The following SLC9A1 variants were observed in gnomAD, a reference collection of about 807,000 sequenced individuals.
SLC9A1 encodes solute carrier family 9 member A1.
A neutral mutation model predicts 67.9 loss-of-function variants in SLC9A1; 22 were observed. The ratio of observed to expected loss-of-function variants is 0.32; its 90% CI spans 0.23 to 0.46. The LOEUF is 0.46. Among genes scored for constraint, SLC9A1 ranks in the 20% least tolerant of loss-of-function variants. The pLI, the probability that SLC9A1 is intolerant of heterozygous loss-of-function variation, is 1.00. For synonymous variants in SLC9A1, 421 were observed against 471.8 expected, an observed-to-expected ratio of 0.89 and a Z score of 1.40; for missense variants, 686 against 1,094.8, an observed-to-expected ratio of 0.63 and a Z score of 5.27.
chr1:27,133,121 G>A (rs193100689), intron 1 of SLC9A1, among the ~76,000 whole-genome samples: 2 of 151,866 alleles, frequency 1.3e-5, no homozygotes, highest in East Asian at 3.9e-4. Flanking sequence ...AGGCTGGAGT[G>A]CAGTGGTGTG....
chr1:27,107,597 C>T lies in SLC9A1; in HGVS notation c.1282+51G>A, dbSNP rs771290706. 7.1e-5 allele frequency: 98 copies of T among 1,385,364 alleles called. 3 individuals are homozygous for T. In the South Asian group the frequency reaches 1.1e-3, roughly 15 times the overall value. The allele number at this position is 1,385,364 out of a possible 1,614,324, so 85.8% of individuals were successfully genotyped here. On this transcript the variant is annotated intron_variant, in intron 4 of 11. Transcript: ENST00000263980. ...CACAGCACCACAGCCCACCACCCCC[C>T]ACACACACCCCACACCACAACCCCC...
rs928117805 is a variant in SLC9A1 at position 27,137,075 on chromosome 1, C to A, written c.352+16908G>T. Among the ~76,000 whole-genome samples the A allele has an allele frequency of 2.0e-5, 3 of 152,372 alleles. No homozygotes were observed. The highest frequency in any genetic ancestry group is 6.5e-5 in the Admixed American group (1 of 15,312). ...CCACCTGCAACGTGCTGTGTCCCTG[C>A]GGCACTTCAGCCTGCCTTGTGTTTT... On this transcript the variant is annotated intron_variant, in intron 1 of 11. Coordinates refer to ENST00000263980, the MANE Select transcript of SLC9A1 (RefSeq NM_003047.5). The surrounding 1 kb of genome is among the most constrained non-coding windows in gnomAD (Gnocchi z 4.6).
chr1:27,106,111 T>G lies in SLC9A1; in HGVS notation c.1283-24A>C. On this transcript the variant is annotated intron_variant, in intron 4 of 11. Coordinates refer to ENST00000263980, the MANE Select transcript of SLC9A1 (RefSeq NM_003047.5). The surrounding 1 kb of genome is among the most constrained non-coding windows in gnomAD (Gnocchi z 4.3). The stretch of plus-strand genomic sequence containing the variant: ...CCCTGCAGGGGAAGGCAGGGGGTGA[T>G]GAGGGTCAGGTCGGGCTGTCCCCAG... 1 of 1,548,446 alleles carries G rather than the reference T, an allele frequency of 6.5e-7. No homozygotes were observed. The highest frequency in any genetic ancestry group is 8.9e-7 in the Non-Finnish European group (1 of 1,123,842).
chr1:27,100,227 A>G lies in SLC9A1; in HGVS notation c.*80T>C. On this transcript the variant is annotated 3_prime_UTR_variant, in exon 12 of 12. Coordinates refer to ENST00000263980, the MANE Select transcript of SLC9A1 (RefSeq NM_003047.5). This position sits in a 1 kb window ranked among gnomAD's most constrained non-coding sequence, Gnocchi z 5.6. ...GGGGCAGGGCCAATCCGGGTCAGGA[A>G]GGGCAAGGGGAGCCCCCAGCAGCCC... 2 of 1,101,322 alleles carry G rather than the reference A, an allele frequency of 1.8e-6. No homozygotes were observed. Among genetic ancestry groups the G allele is most frequent in the South Asian group, 1.7e-5 (1 of 57,912 alleles). The allele number at this position is 1,101,322 out of a possible 1,614,324, so 68.2% of individuals were successfully genotyped here. A position where few individuals can be genotyped will look rare whatever the true frequency, so the allele number is the denominator to read the frequency against.
chr1:27,107,526 C>T, intron 4 of SLC9A1, 122 bp downstream of exon 4: 1 of 741,218 alleles, frequency 1.3e-6, no homozygotes, highest in Non-Finnish European at 2.3e-6. Context: ...CATGCACACA[C>T]CACATAGCCT....
intron 1 of SLC9A1, among the ~76,000 whole-genome samples, chr1:27,126,344 A>G (rs2083343604): frequency 1.3e-5 from 2 of 152,092 alleles, no homozygotes; most frequent in Admixed American, 1.3e-4. Context: ...TGCTGGATGG[A>G]TGACTTTCTC....
At chr1:27,113,712 A>C in intron 2 of SLC9A1, 114 bp downstream of exon 2, 1 of 807,884 alleles carries the variant, frequency 1.2e-6, no homozygotes. Context: ...GGAAGCGGGA[A>C]TGTGCCTCAG....
chr1:27,123,360 A>G (rs1429870799), intron 1 of SLC9A1, among the ~76,000 whole-genome samples: 1 of 152,210 alleles, frequency 6.6e-6, no homozygotes, highest in Non-Finnish European at 1.5e-5. Context: ...GTTATTTAAA[A>G]TTATGTGTGA....
intron 1 of SLC9A1, among the ~76,000 whole-genome samples, chr1:27,115,867 A>G (rs1383252100): frequency 6.6e-6 from 1 of 152,150 alleles, no homozygotes; most frequent in African/African-American, 2.4e-5. Flanking sequence ...GTGCTCAACA[A>G]ATATCAGCTG....
intron 1 of SLC9A1, among the ~76,000 whole-genome samples, chr1:27,128,333 C>T (rs1227360950): frequency 6.6e-6 from 1 of 152,112 alleles, no homozygotes; most frequent in East Asian, 1.9e-4. Flanking sequence ...AGAACAGAGA[C>T]AGAAACACTC....
Position 27,102,499 on chromosome 1 carries a change from T to C in SLC9A1, c.1706A>G (p.Lys569Arg), listed in dbSNP as rs1310137830. 6.2e-7 allele frequency: 1 copy of C among 1,610,222 alleles called. No individual in the cohort carries two copies. Among genetic ancestry groups the C allele is most frequent in the African/African-American group, 1.3e-5 (1 of 74,880 alleles). The change falls in exon 8 of 12, where the codon AAG becomes AGG. Residue 569 changes from lysine (K) to arginine (R), a missense_variant. Transcript: ENST00000263980. ...GTAGAAGGCAATGAGCTGGGGCTCC[T>C]TGGAGCGCTCGCCAGCTATCAGACA... ...KKCLIAGERS[K>R]EPQLIAFYHK...
chr1:27,102,393 G>A lies in SLC9A1; in HGVS notation c.1812C>T (p.Val604=). Residue 604 remains valine (V), a synonymous_variant, in exon 8 of 12, where the codon GTC becomes GTT. Transcript: ENST00000263980. The part of the protein sequence containing the change: ...MGKIPSAVST[V]SMQNIHPKSL... ...GTTGCCCCAGCACTCACTGCATGGA[G>A]ACGGTGGAGACGGCAGAGGGGATCT... 1.9e-6 allele frequency: 3 copies of A among 1,589,582 alleles called. No homozygotes were observed. In the South Asian group the frequency reaches 3.4e-5, roughly 18 times the overall value.
intron 2 of SLC9A1, among the ~76,000 whole-genome samples, chr1:27,111,445 C>T (rs1304629248): frequency 6.6e-6 from 1 of 152,150 alleles, no homozygotes; most frequent in East Asian, 1.9e-4. Context: ...GTTTCCTCAT[C>T]GCAAAAAAAC....
intron 1 of SLC9A1, among the ~76,000 whole-genome samples, chr1:27,136,512 C>A (rs1437201889): frequency 6.8e-6 from 1 of 146,612 alleles, no homozygotes; most frequent in Non-Finnish European, 1.5e-5. Context: ...AACCCCTCTC[C>A]TCAACCGAGG....
At chr1:27,110,228 T>A (rs768750048) in intron 2 of SLC9A1, among the ~76,000 whole-genome samples, 10 of 152,226 alleles carry the variant, frequency 6.6e-5, no homozygotes, top group Non-Finnish European at 1.3e-4. Flanking sequence ...TCTGGTGCTA[T>A]CAAGTCTGCC....
intron 1 of SLC9A1, among the ~76,000 whole-genome samples, chr1:27,148,350 C>T (rs993817422): frequency 1.3e-5 from 2 of 152,140 alleles, no homozygotes; most frequent in Non-Finnish European, 2.9e-5. Flanking sequence ...GTCAAGGCTC[C>T]AGACCACCCA....
Position 27,102,569 on chromosome 1 carries a change from G to T in SLC9A1, c.1647-11C>A. The T allele has an allele frequency of 6.2e-7, 1 of 1,609,094 alleles. No homozygotes were observed. Among genetic ancestry groups the T allele is most frequent in the Non-Finnish European group, 8.5e-7 (1 of 1,176,686 alleles). ...TTAAACCGGTTGAGCCTGGTGGGAGGAGGAGGGAGACGGATGGCGCCAGCT... is the reference window on the plus strand; with the variant it reads ...TTAAACCGGTTGAGCCTGGTGGGAGTAGGAGGGAGACGGATGGCGCCAGCT... On this transcript the variant is annotated splice_polypyrimidine_tract_variant and intron_variant, in intron 7 of 11. Transcript: ENST00000263980.
intron 1 of SLC9A1, among the ~76,000 whole-genome samples, chr1:27,131,200 C>G (rs1209573850): frequency 6.6e-6 from 1 of 152,202 alleles, no homozygotes; most frequent in African/African-American, 2.4e-5. Context: ...AGAATTCAGG[C>G]AAGAGCCGTG....
chr1:27,117,768 C>G (rs2083281350), intron 1 of SLC9A1, among the ~76,000 whole-genome samples: 1 of 152,186 alleles, frequency 6.6e-6, no homozygotes, highest in Non-Finnish European at 1.5e-5. Flanking sequence ...ATGCCACTCC[C>G]CTAGTGTCTA....
Sources: allele counts gnomAD v4.1 joint callset (sites outside exome capture counted in the v4.1 genomes callset), GRCh38; gene constraint gnomAD v4.1.1; non-coding constraint Gnocchi (gnomAD v3.1); transcripts MANE v1.5; gene names NCBI Gene and HGNC (gene_info 2026-07-23, HGNC 2026-07-21).